Variants in PPM1K observed in about 807,000 individuals in gnomAD.
PPM1K encodes protein phosphatase Mn(2+)-dependent 1K.
Under a neutral mutation model 32.6 loss-of-function variants are expected in PPM1K, and 19 were observed. The ratio of observed to expected loss-of-function variants is 0.58; its 90% CI spans 0.41 to 0.86. The LOEUF (loss-of-function observed/expected upper bound fraction) is 0.86, where lower values mean the gene tolerates loss of function less well. PPM1K is among the 40% of genes least tolerant of loss of function. The pLI is 0.00. For missense variants in PPM1K, 362 were observed against 461.2 expected (o/e 0.78, Z 1.97); for synonymous variants, 159 against 165.3 (o/e 0.96, Z 0.29).
rs1351477409 is a variant in PPM1K at position 88,278,393 on chromosome 4, A to C, written c.191T>G (p.Phe64Cys). 1 of 1,614,184 alleles carries C rather than the reference A, an allele frequency of 6.2e-7. No individual in the cohort carries two copies. The highest frequency in any genetic ancestry group is 1.1e-5 in the South Asian group (1 of 91,084). ...ATCAATGCGGTTATCCCAGATCCCA[A>C]AATTGTCCCAGGTAGCTGGACTCCC... ...GSGSPATWDN[F>C]GIWDNRIDEP... is the part of the protein sequence containing the mutation. The change falls in exon 2 of 7, where the codon TTT becomes TGT. Residue 64 changes from phenylalanine (F) to cysteine (C), a missense_variant. Phe to Cys is a radical substitution (Grantham distance 205). Coordinates refer to ENST00000608933, the MANE Select transcript of PPM1K (RefSeq NM_152542.5). This position sits in a 1 kb window ranked among gnomAD's most constrained non-coding sequence, Gnocchi z 4.2.
chr4:88,268,099 C>A (rs1731406028), intron 5 of PPM1K, 91 bp downstream of exon 5: 2 of 1,381,234 alleles, frequency 1.4e-6, no homozygotes, highest in Non-Finnish European at 1.0e-6. Flanking sequence ...ATCATTTTGG[C>A]TTCAGTTAAG....
At chr4:88,282,763 A>G (rs1020563965) in intron 1 of PPM1K, among the ~76,000 whole-genome samples, 57 of 152,338 alleles carry the variant, frequency 3.7e-4, no homozygotes, top group African/African-American at 1.3e-3. Flanking sequence ...AGCAGTGAAA[A>G]GTACTCAGTA....
intron 5 of PPM1K, among the ~76,000 whole-genome samples, chr4:88,267,561 T>A (rs143357779): frequency 6.6e-6 from 1 of 152,216 alleles, no homozygotes; most frequent in African/African-American, 2.4e-5. Flanking sequence ...ATATTGAGGA[T>A]TGCTAAAGTC....
chr4:88,265,417 T>A (rs752357783), intron 5 of PPM1K, among the ~76,000 whole-genome samples: 3 of 152,204 alleles, frequency 2.0e-5, no homozygotes, highest in South Asian at 4.1e-4. Flanking sequence ...CTGATGGTTT[T>A]ATAAAGGGTA....
intron 3 of PPM1K, among the ~76,000 whole-genome samples, chr4:88,273,208 A>T (rs1411853967): frequency 6.6e-6 from 1 of 152,246 alleles, no homozygotes; most frequent in African/African-American, 2.4e-5. Context: ...AGCTAGAAAT[A>T]AATTATGTAG....
At chr4:88,263,208 T>C (rs1731190406) in intron 6 of PPM1K, among the ~76,000 whole-genome samples, 1 of 152,092 alleles carries the variant, frequency 6.6e-6, no homozygotes, top group African/African-American at 2.4e-5. Flanking sequence ...GAAATACAAA[T>C]GGCTAATAAG....
At chr4:88,275,724 C>T in intron 3 of PPM1K, 1 of 985,362 alleles carries the variant, frequency 1.0e-6, no homozygotes. Flanking sequence ...ACAGCCAACT[C>T]AGTTACTATG....
rs1731061692 is a variant in PPM1K, at chr4:88,260,091, G to C, written c.*2504C>G. On this transcript the variant is annotated 3_prime_UTR_variant, in exon 7 of 7. Transcript: ENST00000608933. Reference sequence around the variant, plus strand: ...TCTGAGATGGAGTTTTTGCTCTGCTGTCCAGGCTGGAGTGCAATGGCGCGA... The same window carrying C: ...TCTGAGATGGAGTTTTTGCTCTGCTCTCCAGGCTGGAGTGCAATGGCGCGA... 6.6e-6 allele frequency: 1 copy of C among 152,140 alleles called. No homozygotes were observed. Among genetic ancestry groups the C allele is most frequent in the Non-Finnish European group, 1.5e-5 (1 of 68,044 alleles). 9.4% of individuals were successfully genotyped at this position (152,140 alleles called of 1,614,324 possible). A position where few individuals can be genotyped will look rare whatever the true frequency, so the allele number is the denominator to read the frequency against.
At position 88,262,716 on chromosome 4, in the gene PPM1K, T is replaced by C; in HGVS notation, c.998A>G (p.Tyr333Cys). 1.2e-6 allele frequency: 2 copies of C among 1,610,248 alleles called. No homozygotes were observed. Among genetic ancestry groups the C allele is most frequent in the Non-Finnish European group, 1.7e-6 (2 of 1,178,646 alleles). Residue 333 changes from tyrosine to cysteine, a missense_variant, in exon 7 of 7, where the codon TAC becomes TGC. Physicochemically the swap from Tyr to Cys is radical, Grantham distance 194 (BLOSUM62 -2). Transcript: ENST00000608933. The stretch of plus-strand genomic sequence containing the variant: ...TGCAGTACTGTTATCCTCAGTACCG[T>C]ACTGTATTGCCTGCAAGGTTTGGCA... The part of the protein sequence containing the change: ...AHAVTEQAIQ[Y>C]GTEDNSTAVV...
intron 4 of PPM1K, 50 bp from the exon 5 acceptor site, chr4:88,268,384 A>G: frequency 1.3e-6 from 2 of 1,597,244 alleles, no homozygotes; most frequent in Non-Finnish European, 1.7e-6. Flanking sequence ...ACCCTTTGGG[A>G]GGCCAAGGAG....
In PPM1K at chr4:88,273,679, C is replaced by CAA. The variant is rs72431742; in HGVS notation, c.541+3462_541+3463dup. ...CTGGGAGACTAGAGCAAAACTGTCT[C>CAA]AAAAAAAAAAAAAAAGAAAAAGAAA... On this transcript the variant is annotated intron_variant, in intron 3 of 6. Coordinates refer to ENST00000608933, the MANE Select transcript of PPM1K (RefSeq NM_152542.5). Among the ~76,000 whole-genome samples, 352 of 101,204 alleles carry CAA rather than the reference C, an allele frequency of 3.5e-3. 3 individuals carry two copies. Among genetic ancestry groups the CAA allele is most frequent in the African/African-American group, 0.012 (338 of 28,344 alleles). The allele number at this position is 101,204 out of a possible 152,430, so 66.4% of individuals were successfully genotyped here.
chr4:88,258,694 G>A lies in PPM1K; in HGVS notation c.*3901C>T, dbSNP rs563850804. ...ATTCTCTTTTAAGTGTTGGAACAGG[G>A]GAAAGTTCACATTATAGAGTACAAA... is the stretch of plus-strand genomic sequence containing the variant. On this transcript the variant is annotated 3_prime_UTR_variant, in exon 7 of 7. Coordinates refer to ENST00000608933, the MANE Select transcript of PPM1K (RefSeq NM_152542.5). The A allele has an allele frequency of 6.6e-6, 1 of 152,142 alleles. No individual in the cohort carries two copies. Among genetic ancestry groups the A allele is most frequent in the African/African-American group, 2.4e-5 (1 of 41,520 alleles). 9.4% of individuals were successfully genotyped at this position (152,142 alleles called of 1,614,324 possible).
intron 3 of PPM1K, chr4:88,275,603 A>G (rs1731733281): frequency 1.0e-6 from 1 of 985,422 alleles, no homozygotes; most frequent in Non-Finnish European, 1.2e-6. Flanking sequence ...AAATTTGGAC[A>G]TTCTCATCCA....
chr4:88,282,872 T>C (rs1732070819), intron 1 of PPM1K, among the ~76,000 whole-genome samples: 1 of 152,238 alleles, frequency 6.6e-6, no homozygotes, highest in African/African-American at 2.4e-5. Context: ...CTTTAAGAAC[T>C]TTCCTTCACA....
chr4:88,268,381 G>A (rs768638452), intron 4 of PPM1K, 47 bp from the exon 5 acceptor site: 17 of 1,605,546 alleles, frequency 1.1e-5, no homozygotes, highest in Non-Finnish European at 1.4e-5. Context: ...AAAACCCTTT[G>A]GGAGGCCAAG....
At chr4:88,273,706 G>A (rs935811420) in intron 3 of PPM1K, among the ~76,000 whole-genome samples, 4 of 151,472 alleles carry the variant, frequency 2.6e-5, no homozygotes, top group African/African-American at 9.7e-5. Context: ...AAAAAGAAAA[G>A]GGCTACCTGG....
intron 1 of PPM1K, among the ~76,000 whole-genome samples, chr4:88,281,834 T>G (rs554731958): frequency 6.6e-6 from 1 of 152,260 alleles, no homozygotes; most frequent in South Asian, 2.1e-4. Flanking sequence ...AAGAAAAGTT[T>G]CCTCCTCCAG....
At position 88,278,570 on chromosome 4, in the gene PPM1K, G is replaced by A; in HGVS notation, c.14C>T (p.Ala5Val). The A allele has an allele frequency of 6.2e-7, 1 of 1,608,026 alleles. No individual in the cohort carries two copies. Among genetic ancestry groups the A allele is most frequent in the African/African-American group, 1.3e-5 (1 of 74,822 alleles). ...ACCACTTCTGACCAAAGTAATTAAG[G>A]CAGCTGTTGACATAACTCAGCTCCA... MSTAALITLVRSGGN... is the reference protein window; with the variant it reads MSTAVLITLVRSGGN... Residue 5 changes from alanine (A) to valine (V), a missense_variant, in exon 2 of 7, where the codon GCC (alanine) becomes GTC (valine). Physicochemically the swap from Ala to Val is moderately conservative, Grantham distance 64. Transcript: ENST00000608933. The surrounding 1 kb of genome is among the most constrained non-coding windows in gnomAD (Gnocchi z 4.2).
At chr4:88,265,582 C>T (rs913445326) in intron 5 of PPM1K, among the ~76,000 whole-genome samples, 3 of 152,162 alleles carry the variant, frequency 2.0e-5, no homozygotes, top group African/African-American at 4.8e-5. Flanking sequence ...TCAAGTATAT[C>T]TTTATTAGCA....
Sources: allele counts gnomAD v4.1 joint callset (sites outside exome capture counted in the v4.1 genomes callset), GRCh38; gene constraint gnomAD v4.1.1; non-coding constraint Gnocchi (gnomAD v3.1); transcripts MANE v1.5; gene names NCBI Gene and HGNC (gene_info 2026-07-23, HGNC 2026-07-21).